Variants in LRTM1 observed in about 807,000 individuals in gnomAD.
The protein encoded by LRTM1 is leucine rich repeat transmembrane protein 1, also known as leucine-rich repeat and transmembrane domain-containing protein 1.
A neutral mutation model predicts 32.4 loss-of-function variants in LRTM1; 38 were observed. The observed-to-expected ratio is 1.17, with a 90% CI of 0.91 to 1.54. The LOEUF (loss-of-function observed/expected upper bound fraction) is 1.54. LRTM1 is among the 40% of genes most tolerant of loss of function. The probability of loss-of-function intolerance (pLI) is 0.00; values close to 1 mark genes in which losing one functional copy is unlikely to be tolerated. For missense variants in LRTM1, 466 were observed against 415.4 expected (o/e 1.12, Z -1.06); for synonymous variants, 186 against 169.9 (o/e 1.09, Z -0.74).
At chr3:54,933,945 AT>A (rs1322671645) in intron 1 of LRTM1, among the ~76,000 whole-genome samples, 1 of 151,788 alleles carries the variant, frequency 6.6e-6, no homozygotes, top group African/African-American at 2.4e-5. Flanking sequence ...ATTATTTTGT[AT>A]TTTTGGTAGA....
intron 1 of LRTM1, among the ~76,000 whole-genome samples, chr3:54,945,855 T>C (rs1251113282): frequency 6.6e-6 from 1 of 152,156 alleles, no homozygotes; most frequent in African/African-American, 2.4e-5. Context: ...CAGTGGGCAA[T>C]GCAGCAAAGC....
intron 2 of LRTM1, among the ~76,000 whole-genome samples, chr3:54,922,901 A>C (rs1196705368): frequency 6.6e-6 from 1 of 152,146 alleles, no homozygotes; most frequent in East Asian, 1.9e-4. Context: ...AAATCAAAAT[A>C]GACTTTCCCA....
At chr3:54,943,797 T>C (rs1422358381) in intron 1 of LRTM1, among the ~76,000 whole-genome samples, 1 of 152,200 alleles carries the variant, frequency 6.6e-6, no homozygotes, top group African/African-American at 2.4e-5. Context: ...CTAGGTTTGC[T>C]GGGCATGCAG....
rs1700984711 is a variant in LRTM1, at chr3:54,925,339, A to G, written c.8-124T>C. The G allele has an allele frequency of 4.0e-6, 3 of 754,384 alleles. No individual in the cohort carries two copies. In the Admixed American group the frequency reaches 7.7e-5, roughly 19 times the overall value. 46.7% of individuals were successfully genotyped at this position (754,384 alleles called of 1,614,324 possible). ...CAGGTGAAACCTTCTACAACCTGCA[A>G]GAGAGGTTCTGTCACTCACCGTCTT... On this transcript the variant is annotated intron_variant, in intron 1 of 2. Transcript: ENST00000273286.
At chr3:54,938,072 C>A (rs1701374494) in intron 1 of LRTM1, among the ~76,000 whole-genome samples, 1 of 152,206 alleles carries the variant, frequency 6.6e-6, no homozygotes, top group Non-Finnish European at 1.5e-5. Context: ...TTTCTCAGAT[C>A]CTGAGCTTTG....
intron 1 of LRTM1, among the ~76,000 whole-genome samples, chr3:54,963,740 C>G (rs909120865): frequency 6.6e-6 from 1 of 152,182 alleles, no homozygotes; most frequent in Non-Finnish European, 1.5e-5. Flanking sequence ...GATTTGACTG[C>G]CCTCCCCAGG....
chr3:54,923,719 A>G (rs572779720), intron 2 of LRTM1, among the ~76,000 whole-genome samples: 1 of 152,296 alleles, frequency 6.6e-6, no homozygotes, highest in Non-Finnish European at 1.5e-5. Context: ...AGTGGAGGAA[A>G]GAATGTCGGG....
chr3:54,930,173 TGA>T (rs1701148752), upstream of LRTM1, among the ~76,000 whole-genome samples: 1 of 152,180 alleles, frequency 6.6e-6, no homozygotes, highest in South Asian at 2.1e-4. Flanking sequence ...CCACAGGCTG[TGA>T]TCTGCAAACT....
intron 1 of LRTM1, among the ~76,000 whole-genome samples, chr3:54,959,130 A>T (rs1365360233): frequency 6.6e-6 from 1 of 152,208 alleles, no homozygotes; most frequent in Non-Finnish European, 1.5e-5. Flanking sequence ...TGGCAATCCT[A>T]TTAGAGTGCT....
rs533596688 is a variant in LRTM1 at position 54,918,332 on chromosome 3, C to CTTTTTTTTTTTTTTTTTTT, written c.*108_*126dup. On this transcript the variant is annotated 3_prime_UTR_variant, in exon 3 of 3. Coordinates refer to ENST00000273286, the MANE Select transcript of LRTM1 (RefSeq NM_020678.4). ...TTTTACAGACACATCTTTTTTTTTT[C>CTTTTTTTTTTTTTTTTTTT]TTTTTTTTTTTTTTTTTTTTTTTGT... is the stretch of plus-strand genomic sequence containing the variant. The CTTTTTTTTTTTTTTTTTTT allele has an allele frequency of 3.9e-4, 89 of 228,014 alleles. 13 individuals are homozygous for CTTTTTTTTTTTTTTTTTTT. The highest frequency in any genetic ancestry group is 5.8e-4 in the Non-Finnish European group (73 of 126,148). The allele number at this position is 228,014 out of a possible 1,614,324, so 14.1% of individuals were successfully genotyped here.
intron 1 of LRTM1, among the ~76,000 whole-genome samples, chr3:54,944,397 T>C (rs577079219): frequency 1.7e-4 from 17 of 100,672 alleles, no homozygotes; most frequent in Non-Finnish European, 3.3e-4. Context: ...TTTCCCAGGG[T>C]ATTTATTTAT....
At chr3:54,922,429 T>C (rs1443264405) in intron 2 of LRTM1, among the ~76,000 whole-genome samples, 4 of 152,132 alleles carry the variant, frequency 2.6e-5, no homozygotes, top group African/African-American at 4.8e-5. Context: ...TCAAGCCACT[T>C]TACCTGTAGA....
At chr3:54,945,221 A>G (rs1701582904) in intron 1 of LRTM1, among the ~76,000 whole-genome samples, 1 of 152,190 alleles carries the variant, frequency 6.6e-6, no homozygotes, top group African/African-American at 2.4e-5. Context: ...GGAATATATA[A>G]GTTGGTGTCT....
rs760008470 is a variant in LRTM1, at chr3:54,925,166, G to A, written c.57C>T (p.Cys19=). ...GACAGTAACACTTGTCCGGGCAGCT[G>A]CATACCACCTGGAGCAGGACAATCA... ...SSVIVLLQVV[C]SCPDKCYCQS... The change falls in exon 2 of 3, where the codon TGC becomes TGT. Residue 19 remains cysteine (C), a synonymous_variant. Transcript: ENST00000273286. The A allele has an allele frequency of 6.2e-7, 1 of 1,614,052 alleles. No individual in the cohort carries two copies. Among genetic ancestry groups the A allele is most frequent in the South Asian group, 1.1e-5 (1 of 91,056 alleles).
intron 1 of LRTM1, among the ~76,000 whole-genome samples, chr3:54,951,237 A>G (rs767234099): frequency 1.3e-5 from 2 of 152,216 alleles, no homozygotes; most frequent in Non-Finnish European, 2.9e-5. Context: ...AAATCTGTCA[A>G]TGCAGTGGCC....
intron 2 of LRTM1, among the ~76,000 whole-genome samples, chr3:54,920,403 A>C (rs1700808505): frequency 6.7e-6 from 1 of 149,490 alleles, no homozygotes; most frequent in Admixed American, 6.6e-5. Context: ...TTAAAACTGA[A>C]TCACCCACCA....
Position 54,924,703 on chromosome 3 carries a change from G to A in LRTM1, c.520C>T (p.Leu174Phe), listed in dbSNP as rs142832767. The A allele has an allele frequency of 3.7e-5, 60 of 1,614,016 alleles. No homozygotes were observed. Among genetic ancestry groups the A allele is most frequent in the Non-Finnish European group, 5.0e-5 (59 of 1,180,032 alleles). The change falls in exon 2 of 3, where the codon CTT becomes TTT. Residue 174 changes from leucine to phenylalanine, a missense_variant. Coordinates refer to ENST00000273286, the MANE Select transcript of LRTM1 (RefSeq NM_020678.4). ...ALLESMPSVRLLLLKDNLWKC... is the reference protein window; with the variant it reads ...ALLESMPSVRFLLLKDNLWKC... Reference sequence around the variant, plus strand: ...CAGAGGTTGTCCTTGAGAAGTAAAAGCCTCACACTGGGCATGGATTCCAGG... The same window carrying A: ...CAGAGGTTGTCCTTGAGAAGTAAAAACCTCACACTGGGCATGGATTCCAGG...
chr3:54,942,375 G>T (rs1365419849), intron 1 of LRTM1, among the ~76,000 whole-genome samples: 1 of 152,154 alleles, frequency 6.6e-6, no homozygotes, highest in East Asian at 1.9e-4. Context: ...AGTGGCAGCA[G>T]CCTCCACGAG....
intron 1 of LRTM1, among the ~76,000 whole-genome samples, chr3:54,966,412 T>G (rs2107062373): frequency 6.6e-6 from 1 of 152,356 alleles, no homozygotes; most frequent in African/African-American, 2.4e-5. Flanking sequence ...GAAGAACAGC[T>G]TTTGTGTTGT....
Sources: allele counts gnomAD v4.1 joint callset (sites outside exome capture counted in the v4.1 genomes callset), GRCh38; gene constraint gnomAD v4.1.1; transcripts MANE v1.5; gene names NCBI Gene and HGNC (gene_info 2026-07-23, HGNC 2026-07-21).